MACROD2: variants seen among roughly 807,000 people sequenced by gnomAD.
MACROD2 encodes the protein mono-ADP ribosylhydrolase 2.
A neutral mutation model predicts 70.4 loss-of-function variants in MACROD2; 36 were observed. The ratio of observed to expected loss-of-function variants is 0.51; its 90% CI spans 0.39 to 0.68. The LOEUF is 0.68. Ranked by LOEUF, MACROD2 falls within the 30% of genes least tolerant of loss-of-function variation. The pLI is 0.00. For missense variants in MACROD2, 496 were observed against 538.4 expected, an observed-to-expected ratio of 0.92 and a Z score of 0.78; for synonymous variants, 172 against 178.8, an observed-to-expected ratio of 0.96 and a Z score of 0.30.
chr20:16,010,850 C>T (rs1010711465), intron 15 of MACROD2, among the ~76,000 whole-genome samples: 1 of 152,214 alleles, frequency 6.6e-6, no homozygotes, highest in Non-Finnish European at 1.5e-5. Context: ...AGTACCCTCT[C>T]AACACAGCAC....
chr20:15,634,181 T>C (rs897789768), intron 8 of MACROD2, among the ~76,000 whole-genome samples: 1 of 152,216 alleles, frequency 6.6e-6, no homozygotes, highest in Non-Finnish European at 1.5e-5. Context: ...GAGAAGAGAA[T>C]AAAATAGCAG....
intron 3 of MACROD2, among the ~76,000 whole-genome samples, chr20:14,134,974 A>G (rs1035272917): frequency 6.6e-6 from 1 of 152,130 alleles, no homozygotes; most frequent in Non-Finnish European, 1.5e-5. Flanking sequence ...AAAGTTAAAC[A>G]AGTTAATATG....
At chr20:14,863,421 C>T (rs1209732918) in intron 5 of MACROD2, among the ~76,000 whole-genome samples, 1 of 152,132 alleles carries the variant, frequency 6.6e-6, no homozygotes, top group Non-Finnish European at 1.5e-5. Context: ...ACGATTCTTA[C>T]AGGTGTTGTG....
intron 5 of MACROD2, among the ~76,000 whole-genome samples, chr20:15,038,155 T>C (rs544496625): frequency 6.6e-5 from 10 of 152,350 alleles, no homozygotes; most frequent in African/African-American, 2.2e-4. Flanking sequence ...ATAACATTAT[T>C]AGCACATAAG....
chr20:14,371,921 C>A (rs2083327928), intron 3 of MACROD2, among the ~76,000 whole-genome samples: 1 of 152,092 alleles, frequency 6.6e-6, no homozygotes, highest in African/African-American at 2.4e-5. Flanking sequence ...TCCCTTACCA[C>A]ATTAGCTCCC....
chr20:15,971,216 G>A (rs1038347011), intron 13 of MACROD2, among the ~76,000 whole-genome samples: 10 of 152,078 alleles, frequency 6.6e-5, no homozygotes, highest in African/African-American at 2.4e-4. Context: ...CATTTTAAAA[G>A]GTTCAGAGAA....
chr20:14,077,563 G>T (rs1279799632), intron 2 of MACROD2, among the ~76,000 whole-genome samples: 1 of 152,142 alleles, frequency 6.6e-6, no homozygotes, highest in Non-Finnish European at 1.5e-5. Context: ...AAGTATGTGA[G>T]GAATGAAGGA....
chr20:15,458,269 A>T (rs2046757080), intron 7 of MACROD2, among the ~76,000 whole-genome samples: 1 of 152,168 alleles, frequency 6.6e-6, no homozygotes, highest in African/African-American at 2.4e-5. Context: ...ATCACATAGG[A>T]ACCAACTCAT....
At chr20:14,250,728 CTTG>C (rs1389233082) in intron 3 of MACROD2, among the ~76,000 whole-genome samples, 1 of 151,966 alleles carries the variant, frequency 6.6e-6, no homozygotes, top group Non-Finnish European at 1.5e-5. Flanking sequence ...GAGTCTCTAG[CTTG>C]TTGTACTAAT....
chr20:14,788,058 T>C (rs1454684897), intron 5 of MACROD2, among the ~76,000 whole-genome samples: 4 of 152,120 alleles, frequency 2.6e-5, no homozygotes, highest in African/African-American at 9.7e-5. Context: ...ATTTTCTAAA[T>C]ATTGAAGTAC....
intron 3 of MACROD2, among the ~76,000 whole-genome samples, chr20:14,205,228 T>C (rs1414442393): frequency 6.6e-6 from 1 of 152,184 alleles, no homozygotes; most frequent in Admixed American, 6.5e-5. Context: ...TCTGGAATCC[T>C]TCTTAAGATA....
chr20:14,039,595 T>C (rs1180954444), intron 2 of MACROD2, among the ~76,000 whole-genome samples: 1 of 152,166 alleles, frequency 6.6e-6, no homozygotes, highest in African/African-American at 2.4e-5. Flanking sequence ...TTCATAATGT[T>C]CAGGCCTGCA....
intron 5 of MACROD2, among the ~76,000 whole-genome samples, chr20:14,799,538 G>T (rs964683914): frequency 1.3e-5 from 2 of 152,058 alleles, no homozygotes; most frequent in African/African-American, 4.8e-5. Context: ...ATGTAATAGG[G>T]TAACATAACA....
At chr20:14,806,913 A>C (rs968636270) in intron 5 of MACROD2, among the ~76,000 whole-genome samples, 12 of 152,118 alleles carry the variant, frequency 7.9e-5, no homozygotes, top group Non-Finnish European at 1.8e-4. Context: ...TGGGCAGGGC[A>C]TCTCTGAAAT....
Position 14,668,006 on chromosome 20 carries a change from G to C in MACROD2, c.302-16837G>C, listed in dbSNP as rs545085446. On this transcript the variant is annotated intron_variant, in intron 4 of 17. Coordinates refer to ENST00000684519, the MANE Select transcript of MACROD2 (RefSeq NM_001351661.2). ...CTACAAAAAATACAAATATTTGCTG[G>C]GCATCATGGTGCCCTCCTATAGTCC... 2.2e-4 allele frequency among the ~76,000 whole-genome samples: 34 copies of C among 151,996 alleles called. No individual in the cohort carries two copies. In the South Asian group the frequency reaches 6.4e-3, roughly 29 times the overall value.
intron 5 of MACROD2, among the ~76,000 whole-genome samples, chr20:14,774,840 A>G (rs996717664): frequency 2.6e-5 from 4 of 152,100 alleles, no homozygotes; most frequent in Admixed American, 2.0e-4. Flanking sequence ...GAATTTAGAC[A>G]CTCAGATTCC....
intron 5 of MACROD2, among the ~76,000 whole-genome samples, chr20:14,897,321 A>C: frequency 6.6e-6 from 1 of 152,128 alleles, no homozygotes; most frequent in South Asian, 2.1e-4. Context: ...TCAAATTCTG[A>C]GATGAACTTC....
intron 5 of MACROD2, among the ~76,000 whole-genome samples, chr20:15,103,417 A>G (rs1357944658): frequency 2.6e-5 from 4 of 152,124 alleles, no homozygotes; most frequent in Admixed American, 6.5e-5. Context: ...AGATGTGCCT[A>G]ATATGCTTGT....
intron 9 of MACROD2, among the ~76,000 whole-genome samples, chr20:15,873,063 C>A (rs2064609135): frequency 1.3e-5 from 2 of 152,094 alleles, no homozygotes; most frequent in Admixed American, 6.6e-5. Flanking sequence ...TAAAAATCAT[C>A]TTTGTAGTTA....
Sources: gnomAD v4.1 joint callset for allele counts (sites outside exome capture counted in the v4.1 genomes callset) on GRCh38, gnomAD v4.1.1 for gene constraint, MANE v1.5 for transcripts, NCBI Gene and HGNC (gene_info 2026-07-23, HGNC 2026-07-21) for gene names.